The following DLG2 variants were observed in gnomAD, a reference collection of about 807,000 sequenced individuals.
The protein encoded by DLG2 is disks large homolog 2.
DLG2 carries 45 observed loss-of-function variants against 132.5 expected under a neutral mutation model. That is an observed-to-expected ratio of 0.34 (90% CI 0.27 to 0.44). The LOEUF is 0.44. DLG2 is among the 20% of genes least tolerant of loss of function. DLG2 has a pLI of 1.00. For missense variants in DLG2, 1,045 were observed against 1,196.9 expected, an observed-to-expected ratio of 0.87 and a Z score of 1.87; for synonymous variants, 424 against 419.6, an observed-to-expected ratio of 1.01 and a Z score of -0.13.
chr11:83,686,504 G>A (rs1433402068), intron 18 of DLG2, among the ~76,000 whole-genome samples: 1 of 152,072 alleles, frequency 6.6e-6, no homozygotes, highest in Non-Finnish European at 1.5e-5. Context: ...CAGGGTCGTT[G>A]TCTTTTTTGT....
At position 83,960,201 on chromosome 11, in the gene DLG2, T is replaced by A. The variant is rs1242226049; in HGVS notation, c.1340+2684A>T. On this transcript the variant is annotated intron_variant, in intron 14 of 27. Transcript: ENST00000376104. ...TTTTCAAGTACTAATTAGAGTCATA[T>A]CCTCTTTAAAACTTTCTTTGATGCC... Among the ~76,000 whole-genome samples the A allele has an allele frequency of 3.9e-5, 6 of 152,084 alleles. No homozygotes were observed. The East Asian group carries it at 9.6e-4, about 24-fold the overall frequency.
chr11:85,583,130 G>GTGTGTGTGTGTA (rs1555190569), intron 3 of DLG2, among the ~76,000 whole-genome samples: 1 of 13,606 alleles, frequency 7.3e-5, no homozygotes, highest in Non-Finnish European at 1.6e-4. Context: ...GTGTGTGTGT[G>GTGTGTGTGTGTA]TATATATATA....
intron 3 of DLG2, among the ~76,000 whole-genome samples, chr11:85,387,647 A>G (rs2086454952): frequency 6.6e-6 from 1 of 152,220 alleles, no homozygotes; most frequent in Non-Finnish European, 1.5e-5. Flanking sequence ...ATAATGGATC[A>G]ATGAGTATCA....
intron 3 of DLG2, among the ~76,000 whole-genome samples, chr11:85,469,067 C>T (rs1162405907): frequency 2.0e-5 from 3 of 152,154 alleles, no homozygotes; most frequent in Admixed American, 1.3e-4. Flanking sequence ...ATAAATGGAA[C>T]CTAGATTCTT....
At chr11:84,525,066 T>G (rs1277450709) in intron 7 of DLG2, among the ~76,000 whole-genome samples, 1 of 152,054 alleles carries the variant, frequency 6.6e-6, no homozygotes, top group Non-Finnish European at 1.5e-5. Context: ...CATGTTATCC[T>G]CGGTAGGTAC....
chr11:84,340,750 G>C (rs2098510733), intron 7 of DLG2, among the ~76,000 whole-genome samples: 1 of 152,198 alleles, frequency 6.6e-6, no homozygotes, highest in Non-Finnish European at 1.5e-5. Context: ...CATAACTTCA[G>C]GGTAATTAGC....
At chr11:83,507,571 C>T (rs1188799049) in intron 21 of DLG2, among the ~76,000 whole-genome samples, 2 of 139,462 alleles carry the variant, frequency 1.4e-5, no homozygotes, top group Non-Finnish European at 3.1e-5. Flanking sequence ...GTATATATAT[C>T]CTATAGATAT....
chr11:85,316,672 G>A (rs1044153980), intron 3 of DLG2, among the ~76,000 whole-genome samples: 1 of 151,732 alleles, frequency 6.6e-6, no homozygotes, highest in South Asian at 2.1e-4. Context: ...GAGTGACCAG[G>A]ACAAACTCAA....
intron 6 of DLG2, among the ~76,000 whole-genome samples, chr11:84,579,656 C>A (rs2154528934): frequency 1.3e-5 from 2 of 152,250 alleles, no homozygotes. Flanking sequence ...TGATGCTTAA[C>A]TTGCTTAAGT....
At chr11:83,480,565 TAAAG>T in intron 22 of DLG2, 3 of 1,544,496 alleles carry the variant, frequency 1.9e-6, no homozygotes, top group Non-Finnish European at 1.7e-6. Flanking sequence ...TCAGATAAGA[TAAAG>T]AAGATGAAAA....
chr11:85,216,350 C>T (rs2082595856), intron 4 of DLG2, among the ~76,000 whole-genome samples: 1 of 151,888 alleles, frequency 6.6e-6, no homozygotes, highest in South Asian at 2.1e-4. Context: ...AAGTAAAGTA[C>T]CTAAAAAAAT....
intron 18 of DLG2, among the ~76,000 whole-genome samples, chr11:83,713,393 G>A (rs923039636): frequency 1.3e-5 from 2 of 152,154 alleles, no homozygotes; most frequent in South Asian, 2.1e-4. Flanking sequence ...TTCCAGAGTC[G>A]AAGAACATCA....
intron 17 of DLG2, among the ~76,000 whole-genome samples, chr11:83,813,531 CA>C (rs1443194137): frequency 7.2e-5 from 11 of 152,064 alleles, no homozygotes; most frequent in African/African-American, 2.7e-4. Flanking sequence ...GTGCTTAGCA[CA>C]GTGAACAGAC....
chr11:84,601,670 G>A (rs1022314343), intron 6 of DLG2, among the ~76,000 whole-genome samples: 2 of 151,984 alleles, frequency 1.3e-5, no homozygotes, highest in Admixed American at 1.3e-4. Context: ...ACGTGATGAT[G>A]TTAAATGAAA....
intron 6 of DLG2, among the ~76,000 whole-genome samples, chr11:84,765,362 T>C (rs572378299): frequency 6.6e-6 from 1 of 152,046 alleles, no homozygotes; most frequent in Non-Finnish European, 1.5e-5. Context: ...AGCAACGTGC[T>C]ACATTTGTAG....
intron 4 of DLG2, among the ~76,000 whole-genome samples, chr11:85,199,002 T>A (rs934192216): frequency 6.6e-6 from 1 of 152,212 alleles, no homozygotes; most frequent in South Asian, 2.1e-4. Context: ...GGAGAACTAG[T>A]TGGCAGTACT....
intron 3 of DLG2, among the ~76,000 whole-genome samples, chr11:85,521,102 T>C (rs968724276): frequency 6.6e-6 from 1 of 152,220 alleles, no homozygotes; most frequent in Non-Finnish European, 1.5e-5. Flanking sequence ...GGAAAATATC[T>C]GCAAACTATC....
At chr11:85,096,173 T>A (rs572423393) in intron 6 of DLG2, among the ~76,000 whole-genome samples, 1 of 152,194 alleles carries the variant, frequency 6.6e-6, no homozygotes, top group Non-Finnish European at 1.5e-5. Flanking sequence ...CAGCAGGATG[T>A]GGGCGGGGCC....
At chr11:84,106,591 T>C (rs2092929785) in intron 9 of DLG2, among the ~76,000 whole-genome samples, 1 of 152,176 alleles carries the variant, frequency 6.6e-6, no homozygotes, top group South Asian at 2.1e-4. Flanking sequence ...TAGTTTGTTC[T>C]ATTAAATTGT....
Sources: gnomAD v4.1 joint callset for allele counts (sites outside exome capture counted in the v4.1 genomes callset) on GRCh38, gnomAD v4.1.1 for gene constraint, MANE v1.5 for transcripts, NCBI Gene and HGNC (gene_info 2026-07-23, HGNC 2026-07-21) for gene names.